TRIM35: variants seen among roughly 807,000 people sequenced by gnomAD.
The protein encoded by TRIM35 is tripartite motif containing 35.
TRIM35 carries 37 observed loss-of-function variants against 49.1 expected under a neutral mutation model. The observed-to-expected ratio is 0.75, with a 90% CI of 0.58 to 0.99. TRIM35 has a LOEUF of 0.99. Among genes scored for constraint, TRIM35 ranks in the 50% least tolerant of loss-of-function variants. TRIM35 has a pLI of 0.00. For synonymous variants in TRIM35, 302 were observed against 289.3 expected (o/e 1.04, Z -0.45); for missense variants, 648 against 702.7 (o/e 0.92, Z 0.88).
At chr8:27,308,980 C>T (rs1431532742) in intron 1 of TRIM35, among the ~76,000 whole-genome samples, 1 of 152,238 alleles carries the variant, frequency 6.6e-6, no homozygotes. Context: ...CTGCCTCTAT[C>T]TGAAATACCC....
intron 1 of TRIM35, among the ~76,000 whole-genome samples, chr8:27,307,215 C>A (rs1464870882): frequency 6.6e-6 from 1 of 152,128 alleles, no homozygotes; most frequent in Non-Finnish European, 1.5e-5. Flanking sequence ...ACTGCACCTA[C>A]GATAAAAATC....
chr8:27,307,547 C>A (rs1277745302), intron 1 of TRIM35, among the ~76,000 whole-genome samples: 1 of 152,206 alleles, frequency 6.6e-6, no homozygotes, highest in Non-Finnish European at 1.5e-5. Flanking sequence ...CCCACAAAGG[C>A]AAGGTCTAGG....
intron 4 of TRIM35, among the ~76,000 whole-genome samples, chr8:27,289,618 G>A (rs540831682): frequency 6.6e-6 from 1 of 152,202 alleles, no homozygotes; most frequent in Non-Finnish European, 1.5e-5. Context: ...GGACCCTAAG[G>A]ATGCTCTAGT....
intron 2 of TRIM35, among the ~76,000 whole-genome samples, chr8:27,294,965 G>A (rs996841763): frequency 6.6e-6 from 1 of 152,070 alleles, no homozygotes; most frequent in Admixed American, 6.6e-5. Flanking sequence ...TGGGACTACA[G>A]GCACACGCCA....
At chr8:27,300,466 G>C (rs540495782) in intron 1 of TRIM35, among the ~76,000 whole-genome samples, 55 of 152,030 alleles carry the variant, frequency 3.6e-4, no homozygotes, top group Non-Finnish European at 6.2e-4. Context: ...CCTTGAGGCA[G>C]AGGCACCCAG....
chr8:27,287,541 C>G lies in TRIM35; in HGVS notation c.*9G>C, dbSNP rs372337575. On this transcript the variant is annotated 3_prime_UTR_variant, in exon 6 of 6. Coordinates refer to ENST00000305364, the MANE Select transcript of TRIM35 (RefSeq NM_171982.5). This position sits in a 1 kb window ranked among gnomAD's most constrained non-coding sequence, Gnocchi z 6.0. ...CTGTGGCACAAGACCGGGGCAGCCCCGGGCCAGCTCAGCCATCCAGTTCTT... is the reference window on the plus strand; with the variant it reads ...CTGTGGCACAAGACCGGGGCAGCCCGGGGCCAGCTCAGCCATCCAGTTCTT... 1 of 1,554,406 alleles carries G rather than the reference C, an allele frequency of 6.4e-7. No individual in the cohort carries two copies. Among genetic ancestry groups the G allele is most frequent in the Non-Finnish European group, 8.7e-7 (1 of 1,148,824 alleles).
At chr8:27,294,417 G>T in intron 2 of TRIM35, 107 bp from the exon 3 acceptor site, 1 of 1,012,762 alleles carries the variant, frequency 9.9e-7, no homozygotes, top group Non-Finnish European at 1.4e-6. Context: ...AATAAATCAT[G>T]TATAGAACCC....
rs867540583 is a variant in TRIM35, at chr8:27,287,461, C to T, written c.*89G>A. 1.7e-4 allele frequency: 231 copies of T among 1,354,928 alleles called. No individual in the cohort carries two copies. Among genetic ancestry groups the T allele is most frequent in the Middle Eastern group, 2.3e-4 (1 of 4,280 alleles). 83.9% of individuals were successfully genotyped at this position (1,354,928 alleles called of 1,614,324 possible). On this transcript the variant is annotated 3_prime_UTR_variant, in exon 6 of 6. Coordinates refer to ENST00000305364, the MANE Select transcript of TRIM35 (RefSeq NM_171982.5). The surrounding 1 kb of genome is among the most constrained non-coding windows in gnomAD (Gnocchi z 6.0). The stretch of plus-strand genomic sequence containing the variant: ...GAAGAGCCTGGCAAGGAGGCAGGGG[C>T]GCAATAGTGCCCAAGCAGTGTGGGC...
intron 2 of TRIM35, 59 bp downstream of exon 2, chr8:27,298,405 C>A: frequency 6.5e-7 from 1 of 1,533,576 alleles, no homozygotes; most frequent in Non-Finnish European, 9.0e-7. Flanking sequence ...CATCTTCACT[C>A]CTCCCCAGAC....
chr8:27,296,173 T>A (rs1370943832), intron 2 of TRIM35, among the ~76,000 whole-genome samples: 2 of 150,548 alleles, frequency 1.3e-5, no homozygotes, highest in Non-Finnish European at 3.0e-5. Flanking sequence ...TTTTTTTTTT[T>A]ACATTTAAGT....
At position 27,290,144 on chromosome 8, in the gene TRIM35, T is replaced by C; in HGVS notation, c.785+12A>G. The stretch of plus-strand genomic sequence containing the variant: ...ACTCTTCCCCTCCCCTCCACCAGCT[T>C]TGGCAACTTACCGGCGTTTTCGGCT... On this transcript the variant is annotated intron_variant, in intron 4 of 5. Transcript: ENST00000305364. 2 of 1,614,086 alleles carry C rather than the reference T, an allele frequency of 1.2e-6. No individual in the cohort carries two copies. Among genetic ancestry groups the C allele is most frequent in the South Asian group, 1.1e-5 (1 of 91,066 alleles).
chr8:27,309,971 G>A (rs1199538660), intron 1 of TRIM35, among the ~76,000 whole-genome samples: 7 of 137,304 alleles, frequency 5.1e-5, no homozygotes, highest in African/African-American at 8.8e-5. Context: ...TAACCTGGGC[G>A]ATAGAGGTCT....
At chr8:27,299,984 C>T (rs1295704479) in intron 1 of TRIM35, among the ~76,000 whole-genome samples, 1 of 152,210 alleles carries the variant, frequency 6.6e-6, no homozygotes, top group Non-Finnish European at 1.5e-5. Context: ...TACTAAGTCA[C>T]CTCTGAGGTT....
At chr8:27,301,875 T>C (rs1802689212) in intron 1 of TRIM35, among the ~76,000 whole-genome samples, 1 of 152,254 alleles carries the variant, frequency 6.6e-6, no homozygotes, top group African/African-American at 2.4e-5. Context: ...CTGGAGTTTA[T>C]TTTTGCACAT....
chr8:27,287,815 T>C lies in TRIM35; in HGVS notation c.1217A>G (p.Glu406Gly). Residue 406 changes from glutamate (E) to glycine (G), a missense_variant, in exon 6 of 6, where the codon GAG (glutamate) becomes GGG (glycine). Glu to Gly is a moderately conservative substitution (Grantham distance 98). Coordinates refer to ENST00000305364, the MANE Select transcript of TRIM35 (RefSeq NM_171982.5). The surrounding 1 kb of genome is among the most constrained non-coding windows in gnomAD (Gnocchi z 6.0). ...GTCCGAGGTCACGCAGTGGTCCCCC[T>C]CCACGCCCTGCGTGCGGCAGACATA... ...FWYVCRTQGV[E>G]GDHCVTSDPA... is the part of the protein sequence containing the mutation. The C allele has an allele frequency of 1.2e-6, 2 of 1,611,486 alleles. No homozygotes were observed. Among genetic ancestry groups the C allele is most frequent in the African/African-American group, 1.3e-5 (1 of 75,018 alleles).
At position 27,288,016 on chromosome 8, in the gene TRIM35, A is replaced by G; in HGVS notation, c.1016T>C (p.Phe339Ser). The G allele has an allele frequency of 3.1e-6, 5 of 1,613,630 alleles. No homozygotes were observed. Among genetic ancestry groups the G allele is most frequent in the Non-Finnish European group, 4.2e-6 (5 of 1,180,010 alleles). Residue 339 changes from phenylalanine (F) to serine (S), a missense_variant, in exon 6 of 6, where the codon TTC (phenylalanine) becomes TCC (serine). By Grantham distance (155) the Phe-to-Ser change is radical. Transcript: ENST00000305364. ...YRVQVENPER[F>S]SSAPCLLGSR... ...GCCCAGCAGGCAGGGCGCCGAGGAG[A>G]AGCGTTCCGGGTTCTCCACCTGCAC...
chr8:27,290,097 T>G (rs1385392697), intron 4 of TRIM35, 59 bp downstream of exon 4: 1 of 1,609,294 alleles, frequency 6.2e-7, no homozygotes, highest in Non-Finnish European at 8.5e-7. Flanking sequence ...CACTGGAGTT[T>G]GCACCCCTGG....
chr8:27,311,199 G>T lies in TRIM35; in HGVS notation c.37C>A (p.Arg13Ser). 7 of 1,595,240 alleles carry T rather than the reference G, an allele frequency of 4.4e-6. No homozygotes were observed. Among genetic ancestry groups the T allele is most frequent in the Non-Finnish European group, 6.0e-6 (7 of 1,169,728 alleles). The change falls in exon 1 of 6, where the codon CGC becomes AGC. Residue 13 changes from arginine to serine, a missense_variant. By Grantham distance (110) the Arg-to-Ser change is moderately radical. Coordinates refer to ENST00000305364, the MANE Select transcript of TRIM35 (RefSeq NM_171982.5). Reference protein sequence around the residue: ...RSPDVSPGPSRSFKEELLCAV... With the variant: ...RSPDVSPGPSSSFKEELLCAV... ...CAGAGCAACTCCTCCTTGAAGGAGC[G>T]GGAAGGCCCGGGGGACACGTCGGGA...
Position 27,286,113 on chromosome 8 carries a change from T to A in TRIM35, c.*1437A>T, listed in dbSNP as rs1488771087. On this transcript the variant is annotated 3_prime_UTR_variant, in exon 6 of 6. Coordinates refer to ENST00000305364, the MANE Select transcript of TRIM35 (RefSeq NM_171982.5). ...GCAGGATGCTGTCCTTGGTCAGGAA[T>A]GTGACCCAGATTTTAACACTGCTCC... 1 of 456,310 alleles carries A rather than the reference T, an allele frequency of 2.2e-6. No individual in the cohort carries two copies. The highest frequency in any genetic ancestry group is 2.3e-5 in the Admixed American group (1 of 42,572). The allele number at this position is 456,310 out of a possible 1,614,324, so 28.3% of individuals were successfully genotyped here. A position where few individuals can be genotyped will look rare whatever the true frequency, so the allele number is the denominator to read the frequency against.
Sources: allele counts gnomAD v4.1 joint callset (sites outside exome capture counted in the v4.1 genomes callset), GRCh38; gene constraint gnomAD v4.1.1; non-coding constraint Gnocchi (gnomAD v3.1); transcripts MANE v1.5; gene names NCBI Gene and HGNC (gene_info 2026-07-23, HGNC 2026-07-21).